Variants in ZNF346 observed in about 807,000 individuals in gnomAD.
ZNF346 encodes the protein double-stranded RNA-binding zinc finger protein JAZ.
ZNF346 carries 23 observed loss-of-function variants against 33.7 expected under a neutral mutation model. The ratio of observed to expected loss-of-function variants is 0.68; its 90% CI spans 0.49 to 0.97. The LOEUF is 0.97. Ranked by LOEUF, ZNF346 falls within the 50% of genes least tolerant of loss-of-function variation. The pLI is 0.00. For missense variants in ZNF346, 340 were observed against 371.1 expected, an observed-to-expected ratio of 0.92 and a Z score of 0.69; for synonymous variants, 134 against 142.4, an observed-to-expected ratio of 0.94 and a Z score of 0.42.
At position 177,045,140 on chromosome 5, in the gene ZNF346, T is replaced by C. The variant is rs562509097; in HGVS notation, c.517+607T>C. ...CTAGGGCTCAGCCCTCACTTTCATC[T>C]CATTAACTCCTGACTTTCTGGGGTT... is the stretch of plus-strand genomic sequence containing the variant. On this transcript the variant is annotated intron_variant, in intron 4 of 6. Transcript: ENST00000358149. 1.7e-3 allele frequency among the ~76,000 whole-genome samples: 265 copies of C among 152,330 alleles called. 2 individuals are homozygous for C. The highest frequency in any genetic ancestry group is 2.8e-3 in the Non-Finnish European group (193 of 68,018).
intron 5 of ZNF346, chr5:177,052,708 A>G (rs1205081757): frequency 6.6e-6 from 1 of 152,202 alleles, no homozygotes; most frequent in Non-Finnish European, 1.5e-5. Flanking sequence ...GGTTGTGGTT[A>G]TGTTAAGGAG....
At chr5:177,043,262 G>A (rs1186945116) in intron 3 of ZNF346, among the ~76,000 whole-genome samples, 1 of 151,920 alleles carries the variant, frequency 6.6e-6, no homozygotes, top group Non-Finnish European at 1.5e-5. Flanking sequence ...GGCTCCCAAA[G>A]TACCAGGATT....
At chr5:177,048,629 A>G (rs1292359850) in intron 4 of ZNF346, among the ~76,000 whole-genome samples, 2 of 152,150 alleles carry the variant, frequency 1.3e-5, no homozygotes, top group African/African-American at 4.8e-5. Context: ...CTCAAAAAGA[A>G]AAAAAAGAAA....
intron 4 of ZNF346, among the ~76,000 whole-genome samples, chr5:177,046,167 G>A (rs998462414): frequency 3.3e-5 from 5 of 152,022 alleles, no homozygotes; most frequent in African/African-American, 9.7e-5. Flanking sequence ...TGGGTGTGGT[G>A]GCACGAGCCT....
At chr5:177,075,352 G>A (rs1045633982) in intron 8 of ZNF346, among the ~76,000 whole-genome samples, 1 of 151,960 alleles carries the variant, frequency 6.6e-6, no homozygotes, top group Admixed American at 6.6e-5. Flanking sequence ...GCAGTGAGCC[G>A]AGATGAGTAA....
intron 4 of ZNF346, among the ~76,000 whole-genome samples, chr5:177,045,394 G>A (rs1041120817): frequency 6.6e-6 from 1 of 151,328 alleles, no homozygotes; most frequent in Non-Finnish European, 1.5e-5. Context: ...TCGCTCTGTT[G>A]CCTAGGTTAG....
intron 1 of ZNF346, among the ~76,000 whole-genome samples, chr5:177,025,086 AT>A (rs902111468): frequency 1.3e-5 from 2 of 152,122 alleles, no homozygotes; most frequent in African/African-American, 4.8e-5. Context: ...CGTCACCCCA[AT>A]TAGTTCCTTT....
At chr5:177,061,944 C>A in intron 5 of ZNF346, 114 bp from the exon 6 acceptor site, 4 of 853,750 alleles carry the variant, frequency 4.7e-6, no homozygotes, top group Non-Finnish European at 7.6e-6. Flanking sequence ...GGCCAGCAAC[C>A]TCACCTCGCC....
At chr5:177,023,184 C>T (rs1776114562) in intron 1 of ZNF346, 1 of 1,536,460 alleles carries the variant, frequency 6.5e-7, no homozygotes, top group Non-Finnish European at 8.7e-7. Context: ...CATTCGAGGA[C>T]TGTCATCCCT....
intron 4 of ZNF346, 188 bp from the exon 5 acceptor site, chr5:177,050,563 T>G: frequency 1.6e-6 from 1 of 627,628 alleles, no homozygotes; most frequent in Non-Finnish European, 2.8e-6. Flanking sequence ...AGAGAATGCA[T>G]TCACCTGTGT....
At chr5:177,033,128 T>A (rs1777954291) in intron 1 of ZNF346, among the ~76,000 whole-genome samples, 1 of 152,206 alleles carries the variant, frequency 6.6e-6, no homozygotes, top group Admixed American at 6.5e-5. Flanking sequence ...CCAGCTGAAG[T>A]GCAGTGGCGC....
intron 1 of ZNF346, among the ~76,000 whole-genome samples, chr5:177,025,520 T>A (rs936944239): frequency 6.6e-6 from 1 of 152,170 alleles, no homozygotes; most frequent in African/African-American, 2.4e-5. Context: ...CTGCCATCAG[T>A]GTATGAGGGT....
intron 3 of ZNF346, 122 bp from the exon 4 acceptor site, chr5:177,044,267 G>A (rs1228661053): frequency 9.4e-7 from 1 of 1,059,532 alleles, no homozygotes; most frequent in East Asian, 2.5e-5. Flanking sequence ...CTAGAAAGTA[G>A]GTTGGGGTTA....
chr5:177,044,621 G>A (rs1466227040), intron 4 of ZNF346, 88 bp downstream of exon 4: 4 of 1,413,078 alleles, frequency 2.8e-6, no homozygotes, highest in Non-Finnish European at 3.9e-6. Flanking sequence ...CCTCACTGAG[G>A]CCACAGACTT....
rs536086361 is a variant in ZNF346, at chr5:177,044,529, G to A, written c.513G>A (p.Val171=). The A allele has an allele frequency of 3.7e-6, 6 of 1,613,642 alleles. No individual in the cohort carries two copies. In the East Asian group the frequency reaches 1.3e-4, roughly 36 times the overall value. Residue 171 remains valine (V), a synonymous_variant, in exon 4 of 7, where the codon GTG becomes GTA. Coordinates refer to ENST00000358149, the MANE Select transcript of ZNF346 (RefSeq NM_012279.4). ...AGCTGAAGCAGCAGTCCACTAAGGT[G>A]GAAGGTACTGGTTTTCCTGAGTAGT... The part of the protein sequence containing the change: ...NLKLKQQSTK[V]EALHQNREMI...
intron 1 of ZNF346, among the ~76,000 whole-genome samples, chr5:177,030,099 TC>T (rs1448566890): frequency 1.3e-5 from 2 of 152,240 alleles, no homozygotes; most frequent in African/African-American, 4.8e-5. Context: ...GAGTTTTTTT[TC>T]TCCAGAGCAC....
At chr5:177,069,696 A>G (rs13162452), downstream of ZNF346, among the ~76,000 whole-genome samples, 6 of 140,480 alleles carry the variant, frequency 4.3e-5, no homozygotes, top group African/African-American at 1.7e-4. Context: ...ACACCAGCTA[A>G]TTTTTTCTAT....
At chr5:177,036,428 C>T (rs566392189) in intron 1 of ZNF346, among the ~76,000 whole-genome samples, 1 of 152,228 alleles carries the variant, frequency 6.6e-6, no homozygotes, top group South Asian at 2.1e-4. Context: ...CACCTGGAGC[C>T]TATAAGCCCT....
intron 1 of ZNF346, among the ~76,000 whole-genome samples, chr5:177,030,671 A>C (rs981122026): frequency 1.3e-5 from 2 of 151,962 alleles, no homozygotes; most frequent in Non-Finnish European, 1.5e-5. Flanking sequence ...CACCTGTTTA[A>C]AATGTACAAT....
Sources: gnomAD v4.1 joint callset for allele counts (sites outside exome capture counted in the v4.1 genomes callset) on GRCh38, gnomAD v4.1.1 for gene constraint, MANE v1.5 for transcripts, NCBI Gene and HGNC (gene_info 2026-07-23, HGNC 2026-07-21) for gene names.